The following PPP2R2A variants were observed in gnomAD, a reference collection of about 807,000 sequenced individuals.
PPP2R2A encodes the protein serine/threonine-protein phosphatase 2A 55 kDa regulatory subunit B alpha isoform.
Under a neutral mutation model 53.2 loss-of-function variants are expected in PPP2R2A, and 9 were observed. The observed-to-expected ratio is 0.17, with a 90% confidence interval of 0.10 to 0.30. The LOEUF (loss-of-function observed/expected upper bound fraction) is 0.30, where lower values mean the gene tolerates loss of function less well. Ranked by LOEUF, PPP2R2A falls within the 10% of genes least tolerant of loss-of-function variation. The pLI is 1.00. For synonymous variants in PPP2R2A, 169 were observed against 174.2 expected, an observed-to-expected ratio of 0.97 and a Z score of 0.23; for missense variants, 235 against 534.6, an observed-to-expected ratio of 0.44 and a Z score of 5.53.
chr8:26,372,501 T>A lies in PPP2R2A; in HGVS notation c.*2088T>A, dbSNP rs1428432764. The A allele has an allele frequency of 6.6e-6, 1 of 152,176 alleles. No homozygotes were observed. The highest frequency in any genetic ancestry group is 2.4e-5 in the African/African-American group (1 of 41,438). 9.4% of individuals were successfully genotyped at this position (152,176 alleles called of 1,614,324 possible). A position where few individuals can be genotyped will look rare whatever the true frequency, so the allele number is the denominator to read the frequency against. On this transcript the variant is annotated 3_prime_UTR_variant, in exon 10 of 10. Transcript: ENST00000380737. ...GACACTAAGGATTAGTTTATATATT[T>A]AAGAGAAATAATTGCTAAAATTAAA...
At position 26,340,917 on chromosome 8, in the gene PPP2R2A, C is replaced by T. The variant is rs140440582; in HGVS notation, c.180+1930C>T. On this transcript the variant is annotated intron_variant, in intron 3 of 9. Transcript: ENST00000380737. ...AATTATTTTAAAGATAATCATTTCC[C>T]GTGATTCTTTTCTGAAACCCCACTG... Among the ~76,000 whole-genome samples the T allele has an allele frequency of 2.6e-5, 4 of 151,980 alleles. No individual in the cohort carries two copies. The East Asian group carries it at 5.8e-4, about 22-fold the overall frequency.
At chr8:26,357,036 G>A (rs1452860684) in intron 4 of PPP2R2A, among the ~76,000 whole-genome samples, 25 of 152,114 alleles carry the variant, frequency 1.6e-4, no homozygotes, top group Admixed American at 1.6e-3. Flanking sequence ...ATTTTTTAAT[G>A]CTAAAATAAG....
At chr8:26,293,509 G>T (rs989485046) in intron 1 of PPP2R2A, 157 bp from the exon 2 acceptor site, 3 of 731,812 alleles carry the variant, frequency 4.1e-6, no homozygotes, top group Non-Finnish European at 6.6e-6. Context: ...CAAGTATTGG[G>T]GACTAACCTC....
intron 2 of PPP2R2A, among the ~76,000 whole-genome samples, chr8:26,297,906 T>C (rs1278046299): frequency 6.6e-6 from 1 of 152,226 alleles, no homozygotes; most frequent in Non-Finnish European, 1.5e-5. Context: ...ATGTGTGTTA[T>C]ACATACTCTT....
intron 2 of PPP2R2A, among the ~76,000 whole-genome samples, chr8:26,315,893 C>G (rs547344670): frequency 6.6e-6 from 1 of 152,222 alleles, no homozygotes; most frequent in South Asian, 2.1e-4. Flanking sequence ...TTTATAGTTT[C>G]TTTTCATTCA....
chr8:26,355,752 C>G (rs927030615), intron 4 of PPP2R2A, among the ~76,000 whole-genome samples: 3 of 151,688 alleles, frequency 2.0e-5, no homozygotes, highest in Non-Finnish European at 2.9e-5. Flanking sequence ...GTAGTTCCAG[C>G]TACTGGGGCG....
chr8:26,316,089 C>T (rs932098333), intron 2 of PPP2R2A, among the ~76,000 whole-genome samples: 3 of 152,178 alleles, frequency 2.0e-5, no homozygotes, highest in Non-Finnish European at 4.4e-5. Flanking sequence ...ACTGCAGCCT[C>T]CGCCTCCTGG....
intron 2 of PPP2R2A, among the ~76,000 whole-genome samples, chr8:26,299,332 G>A (rs906165715): frequency 2.6e-5 from 4 of 151,216 alleles, no homozygotes; most frequent in African/African-American, 9.7e-5. Context: ...ATTTTTCATT[G>A]TTTAGTAATC....
intron 3 of PPP2R2A, among the ~76,000 whole-genome samples, chr8:26,349,823 A>G (rs1804402897): frequency 6.6e-6 from 1 of 152,192 alleles, no homozygotes; most frequent in Non-Finnish European, 1.5e-5. Context: ...ATTATGAGTA[A>G]TGTTGCTGTG....
intron 2 of PPP2R2A, among the ~76,000 whole-genome samples, chr8:26,295,734 A>G (rs1234910401): frequency 6.6e-6 from 1 of 152,226 alleles, no homozygotes; most frequent in South Asian, 2.1e-4. Flanking sequence ...AAATATGACT[A>G]GTTCTAATAG....
chr8:26,351,577 C>T (rs1804516178), intron 3 of PPP2R2A, among the ~76,000 whole-genome samples: 2 of 152,172 alleles, frequency 1.3e-5, no homozygotes, highest in African/African-American at 4.8e-5. Context: ...ATTGTACCTT[C>T]ACATTTATAT....
intron 2 of PPP2R2A, 30 bp downstream of exon 2, chr8:26,293,770 T>C: frequency 6.2e-7 from 1 of 1,602,556 alleles, no homozygotes; most frequent in Non-Finnish European, 8.5e-7. Flanking sequence ...AAAATTTGGA[T>C]ATATAATTTT....
chr8:26,331,396 T>G (rs1803370344), intron 2 of PPP2R2A, among the ~76,000 whole-genome samples: 1 of 152,240 alleles, frequency 6.6e-6, no homozygotes, highest in African/African-American at 2.4e-5. Context: ...ATCAGATTTT[T>G]AATTTTGATT....
intron 2 of PPP2R2A, among the ~76,000 whole-genome samples, chr8:26,337,954 A>G (rs543385737): frequency 6.6e-6 from 1 of 152,368 alleles, no homozygotes; most frequent in East Asian, 1.9e-4. Flanking sequence ...CAGTAAATTT[A>G]AAATTTTAAA....
chr8:26,312,028 T>TTATAAAC (rs1363669208), intron 2 of PPP2R2A, among the ~76,000 whole-genome samples: 1 of 152,116 alleles, frequency 6.6e-6, no homozygotes, highest in Non-Finnish European at 1.5e-5. Flanking sequence ...ATTTTTTACA[T>TTATAAAC]TATAAATATT....
At chr8:26,333,589 G>T in intron 2 of PPP2R2A, 1 of 1,075,208 alleles carries the variant, frequency 9.3e-7, no homozygotes, top group Non-Finnish European at 1.2e-6. Flanking sequence ...AGAATGCCAA[G>T]GCTACTAATA....
At chr8:26,293,180 A>G in intron 1 of PPP2R2A, 1 of 1,474,682 alleles carries the variant, frequency 6.8e-7, no homozygotes, top group Non-Finnish European at 9.1e-7. Context: ...AAATGGGTGT[A>G]GTGTTTGCTG....
intron 2 of PPP2R2A, 85 bp downstream of exon 2, chr8:26,293,825 G>A (rs1801417248): frequency 3.3e-6 from 4 of 1,207,916 alleles, no homozygotes; most frequent in Non-Finnish European, 4.8e-6. Context: ...AGCCGAGACT[G>A]CTATAAATTC....
chr8:26,326,702 A>C (rs1435506567), intron 2 of PPP2R2A, among the ~76,000 whole-genome samples: 1 of 152,224 alleles, frequency 6.6e-6, no homozygotes, highest in Non-Finnish European at 1.5e-5. Context: ...AATCTCCTTG[A>C]GAAGCTATTT....
Sources: allele counts gnomAD v4.1 joint callset (sites outside exome capture counted in the v4.1 genomes callset), GRCh38; gene constraint gnomAD v4.1.1; transcripts MANE v1.5; gene names NCBI Gene and HGNC (gene_info 2026-07-23, HGNC 2026-07-21).